The following ARHGAP26 variants were observed in gnomAD, a reference collection of about 807,000 sequenced individuals.
ARHGAP26 encodes the protein Rho GTPase activating protein 26.
A neutral mutation model predicts 104.8 loss-of-function variants in ARHGAP26; 38 were observed. That is an observed-to-expected ratio of 0.36 (90% CI 0.28 to 0.48). ARHGAP26 has a LOEUF of 0.48. ARHGAP26 is among the 20% of genes least tolerant of loss of function. The pLI is 0.99. For synonymous variants in ARHGAP26, 341 were observed against 340.0 expected (o/e 1.00, Z -0.03); for missense variants, 704 against 947.9 (o/e 0.74, Z 3.38).
rs558971008 is a variant in ARHGAP26, at chr5:142,997,549, C to A, written c.1108-16531C>A. On this transcript the variant is annotated intron_variant, in intron 11 of 22. Coordinates refer to ENST00000645722, the MANE Select transcript of ARHGAP26 (RefSeq NM_001135608.3). ...TCAGCCTCCCAGGTAGCTGGGACTA[C>A]AGGTGCATGCCACCCATGCCTGGCT... 4.0e-5 allele frequency among the ~76,000 whole-genome samples: 6 copies of A among 150,484 alleles called. No homozygotes were observed. In the East Asian group the frequency reaches 1.2e-3, roughly 29 times the overall value.
At chr5:143,190,867 T>C (rs987891821) in intron 20 of ARHGAP26, among the ~76,000 whole-genome samples, 2 of 152,228 alleles carry the variant, frequency 1.3e-5, no homozygotes, top group South Asian at 4.1e-4. Flanking sequence ...AAACATGAAT[T>C]GACTACTTAT....
intron 22 of ARHGAP26, among the ~76,000 whole-genome samples, chr5:143,217,118 CGT>C (rs1162343952): frequency 2.6e-5 from 4 of 151,712 alleles, no homozygotes; most frequent in Admixed American, 6.6e-5. Flanking sequence ...AGAAAGTGCA[CGT>C]GTGTGTGTGT....
chr5:142,803,766 G>A (rs1762478170), intron 1 of ARHGAP26, among the ~76,000 whole-genome samples: 4 of 152,192 alleles, frequency 2.6e-5, no homozygotes, highest in Admixed American at 6.5e-5. Context: ...CAGGTAGGAA[G>A]CCTTATCTGT....
At chr5:143,127,197 A>G (rs2150845664) in intron 18 of ARHGAP26, among the ~76,000 whole-genome samples, 1 of 152,314 alleles carries the variant, frequency 6.6e-6, no homozygotes, top group East Asian at 1.9e-4. Context: ...CAGGCTACTT[A>G]GTGTATGTGT....
At chr5:142,916,559 T>C (rs2152493031) in intron 10 of ARHGAP26, among the ~76,000 whole-genome samples, 1 of 152,354 alleles carries the variant, frequency 6.6e-6, no homozygotes, top group East Asian at 1.9e-4. Context: ...CAATACAGTT[T>C]CATCAGAACA....
chr5:142,781,556 G>C (rs1554104552), intron 1 of ARHGAP26, among the ~76,000 whole-genome samples: 1 of 152,184 alleles, frequency 6.6e-6, no homozygotes, highest in Admixed American at 6.5e-5. Flanking sequence ...TGGGGGAAAA[G>C]GGAGGGGAGC....
intron 17 of ARHGAP26, among the ~76,000 whole-genome samples, chr5:143,104,736 A>T (rs888975736): frequency 6.6e-6 from 1 of 152,232 alleles, no homozygotes; most frequent in Non-Finnish European, 1.5e-5. Flanking sequence ...CACCATAACA[A>T]TGTTGAGTGA....
chr5:142,891,370 G>C (rs1422497156), intron 5 of ARHGAP26, among the ~76,000 whole-genome samples: 1 of 152,006 alleles, frequency 6.6e-6, no homozygotes, highest in African/African-American at 2.4e-5. Flanking sequence ...TTACTCAGCA[G>C]ACTGGCTTTT....
At chr5:142,796,687 C>G (rs111707470) in intron 1 of ARHGAP26, among the ~76,000 whole-genome samples, 40 of 152,356 alleles carry the variant, frequency 2.6e-4, no homozygotes, top group African/African-American at 8.9e-4. Flanking sequence ...GGACTCTGGC[C>G]CCTGCCAGCT....
intron 20 of ARHGAP26, among the ~76,000 whole-genome samples, chr5:143,179,060 C>T (rs1251326646): frequency 6.6e-6 from 1 of 151,908 alleles, no homozygotes; most frequent in East Asian, 1.9e-4. Flanking sequence ...AGTAGAGACC[C>T]GGTTTCACCA....
At position 143,062,600 on chromosome 5, in the gene ARHGAP26, TC is replaced by T. The variant is rs1232111110; in HGVS notation, c.1538+4854del. On this transcript the variant is annotated intron_variant, in intron 17 of 22. Coordinates refer to ENST00000645722, the MANE Select transcript of ARHGAP26 (RefSeq NM_001135608.3). The stretch of plus-strand genomic sequence containing the variant: ...CTCTGCAAATCAAAAAGGGATGTAT[TC>T]ATATTTCTTTAATGATCTAGAAACA... Among the ~76,000 whole-genome samples the T allele has an allele frequency of 1.2e-4, 18 of 151,488 alleles. No homozygotes were observed. The East Asian group carries it at 3.0e-3, about 25-fold the overall frequency.
At chr5:143,157,616 G>A (rs1800652404) in intron 20 of ARHGAP26, among the ~76,000 whole-genome samples, 1 of 152,198 alleles carries the variant, frequency 6.6e-6, no homozygotes, top group Non-Finnish European at 1.5e-5. Flanking sequence ...CCTCTTGAAA[G>A]AGCATTCCAT....
chr5:143,178,934 A>G (rs934892448), intron 20 of ARHGAP26, among the ~76,000 whole-genome samples: 1 of 151,946 alleles, frequency 6.6e-6, no homozygotes, highest in African/African-American at 2.4e-5. Context: ...CAGTGATGCA[A>G]TCTGGGCTCA....
At chr5:142,844,436 A>G (rs990342095) in intron 1 of ARHGAP26, among the ~76,000 whole-genome samples, 24 of 150,936 alleles carry the variant, frequency 1.6e-4, no homozygotes, top group Admixed American at 1.2e-3. Context: ...TTTTGAGGGT[A>G]GTGTCAAAGA....
At chr5:143,109,976 C>T (rs1794569990) in intron 17 of ARHGAP26, among the ~76,000 whole-genome samples, 1 of 152,112 alleles carries the variant, frequency 6.6e-6, no homozygotes, top group African/African-American at 2.4e-5. Context: ...TGATACTTGC[C>T]CTCTTGCTCT....
intron 1 of ARHGAP26, among the ~76,000 whole-genome samples, chr5:142,823,748 TAAC>T (rs1766669457): frequency 6.6e-6 from 1 of 152,234 alleles, no homozygotes; most frequent in Non-Finnish European, 1.5e-5. Flanking sequence ...GTGTGTGTGT[TAAC>T]AAGTATTTGA....
intron 18 of ARHGAP26, among the ~76,000 whole-genome samples, chr5:143,123,962 G>C (rs976007495): frequency 2.1e-5 from 3 of 144,846 alleles, no homozygotes; most frequent in African/African-American, 5.3e-5. Context: ...TTCTGTAATA[G>C]AAACACACAC....
intron 1 of ARHGAP26, among the ~76,000 whole-genome samples, chr5:142,865,478 G>GTTTTTTT (rs35950662): frequency 3.4e-5 from 4 of 117,222 alleles, no homozygotes; most frequent in Non-Finnish European, 5.2e-5. Flanking sequence ...ACACGGAGAA[G>GTTTTTTT]TTTTTTTTTT....
intron 11 of ARHGAP26, among the ~76,000 whole-genome samples, chr5:142,993,114 T>C (rs1172061497): frequency 6.6e-6 from 1 of 151,256 alleles, no homozygotes; most frequent in African/African-American, 2.4e-5. Context: ...CCTGAGTAGC[T>C]GGGTTACAGG....
Sources: allele counts gnomAD v4.1 joint callset (sites outside exome capture counted in the v4.1 genomes callset), GRCh38; gene constraint gnomAD v4.1.1; transcripts MANE v1.5; gene names NCBI Gene and HGNC (gene_info 2026-07-23, HGNC 2026-07-21).